Variants in PES1 observed in about 807,000 individuals in gnomAD.
PES1 encodes the protein pescadillo homolog.
A neutral mutation model predicts 77.1 loss-of-function variants in PES1; 31 were observed. The ratio of observed to expected loss-of-function variants is 0.40; its 90% CI spans 0.30 to 0.54. PES1 has a LOEUF of 0.54. PES1 is among the 20% of genes least tolerant of loss of function. PES1 has a pLI of 0.45. For synonymous variants in PES1, 282 were observed against 303.0 expected (o/e 0.93, Z 0.72); for missense variants, 658 against 771.7 (o/e 0.85, Z 1.75).
chr22:30,605,816 A>G (rs2087430122), intron 1 of PES1, among the ~76,000 whole-genome samples: 1 of 152,234 alleles, frequency 6.6e-6, no homozygotes, highest in Non-Finnish European at 1.5e-5. Context: ...ATTTATGTCA[A>G]GGGCTTGGTT....
At position 30,579,753 on chromosome 22, in the gene PES1, G is replaced by A. The variant is rs2086952969; in HGVS notation, c.1352C>T (p.Pro451Leu). The change falls in exon 12 of 15, where the codon CCA (proline) becomes CTA (leucine). Residue 451 changes from proline to leucine, a missense_variant and splice_region_variant. Pro to Leu is a moderately conservative substitution (Grantham distance 98). Coordinates refer to ENST00000354694, the MANE Select transcript of PES1 (RefSeq NM_014303.4). ...CAGCCCAGTCCCATCCCGCTCACCT[G>A]GGTCCTCTCCCCGCTGCAGAGCCAG... ...KLLALQRGED[P>L]GNLNESEEEE... The A allele has an allele frequency of 5.0e-6, 8 of 1,613,702 alleles. No homozygotes were observed. The East Asian group carries it at 1.8e-4, about 36-fold the overall frequency.
rs540955743 is a variant in PES1 at position 30,579,866 on chromosome 22, G to C, written c.1239C>G (p.Tyr413Ter). ...NARLLLPVAEYFSGVQLPPHL... is the reference protein window; with the variant it reads ...NARLLLPVAE ...GTGGGGGCAGCTGCACCCCAGAGAA[G>C]TACTCTGCCACGGGGAGAAGGAGCC... The change falls in exon 12 of 15, where the codon TAC becomes TAG. Residue 413 changes from tyrosine (Y) to a stop codon, truncating the protein, a stop_gained. Transcript: ENST00000354694. LOFTEE classifies it high-confidence loss of function. 6.2e-7 allele frequency: 1 copy of C among 1,614,120 alleles called. No individual in the cohort carries two copies. Among genetic ancestry groups the C allele is most frequent in the South Asian group, 1.1e-5 (1 of 91,090 alleles).
intron 2 of PES1, among the ~76,000 whole-genome samples, chr22:30,598,917 G>A (rs12152194): frequency 2.9e-4 from 1 of 3,444 alleles, no homozygotes; most frequent in African/African-American, 1.3e-3. Context: ...TTTTTTTTGA[G>A]ATGGAGTCCT....
intron 4 of PES1, among the ~76,000 whole-genome samples, chr22:30,586,560 C>T (rs2087094091): frequency 6.6e-6 from 1 of 152,212 alleles, no homozygotes; most frequent in Non-Finnish European, 1.5e-5. Context: ...CATCACTGGC[C>T]TCTCTCCACT....
At chr22:30,582,330 C>T (rs969269150) in intron 6 of PES1, among the ~76,000 whole-genome samples, 4 of 152,200 alleles carry the variant, frequency 2.6e-5, no homozygotes, top group African/African-American at 9.6e-5. Flanking sequence ...AGGCATGACC[C>T]GAGGGGCCAG....
At chr22:30,600,599 G>A (rs189249810) in intron 2 of PES1, among the ~76,000 whole-genome samples, 2 of 152,036 alleles carry the variant, frequency 1.3e-5, no homozygotes, top group South Asian at 2.1e-4. Context: ...GGTGGATCAC[G>A]AGGTCAGGAG....
upstream of PES1, among the ~76,000 whole-genome samples, chr22:30,592,963 GT>G (rs33961447): frequency 0.44 from 65,266 of 148,872 alleles, 14,241 homozygotes; most frequent in Middle Eastern, 0.49. Flanking sequence ...ATTTTAAGAG[GT>G]TTTTTTTTTT....
intron 6 of PES1, among the ~76,000 whole-genome samples, chr22:30,581,927 G>A (rs2086994150): frequency 6.6e-6 from 1 of 152,174 alleles, no homozygotes; most frequent in Non-Finnish European, 1.5e-5. Context: ...AAAAGAGTGA[G>A]AAAAGGGACC....
At chr22:30,587,698 T>C (rs561507016) in intron 3 of PES1, among the ~76,000 whole-genome samples, 1 of 152,308 alleles carries the variant, frequency 6.6e-6, no homozygotes, top group Admixed American at 6.5e-5. Flanking sequence ...GTTTTTCAAC[T>C]GAGAACAGAA....
intron 2 of PES1, among the ~76,000 whole-genome samples, chr22:30,597,068 C>T (rs2087265171): frequency 6.6e-6 from 1 of 152,204 alleles, no homozygotes; most frequent in Non-Finnish European, 1.5e-5. Context: ...GCGCTGCGCT[C>T]AATTTCTCCC....
chr22:30,601,788 T>C (rs572357362), intron 2 of PES1: 2 of 152,160 alleles, frequency 1.3e-5, no homozygotes, highest in Admixed American at 6.6e-5. Context: ...TTTTTTTTTT[T>C]TCCAGACACA....
intron 2 of PES1, among the ~76,000 whole-genome samples, chr22:30,597,919 T>A (rs1286880842): frequency 2.1e-5 from 3 of 142,942 alleles, no homozygotes; most frequent in Non-Finnish European, 4.5e-5. Context: ...AGTCTCACTC[T>A]GTCGCCCAGG....
intron 10 of PES1, 126 bp downstream of exon 10, chr22:30,580,445 T>C (rs1289391273): frequency 1.5e-6 from 2 of 1,346,396 alleles, no homozygotes; most frequent in East Asian, 4.6e-5. Context: ...CCGAGCACTT[T>C]CCACACACTG....
Position 30,598,884 on chromosome 22 carries a change from A to ATTTTTTTTTT in PES1, c.-660-6487_-660-6486insAAAAAAAAAA, listed in dbSNP as rs1569031688. The stretch of plus-strand genomic sequence containing the variant: ...TTTCAAGTTTATGTGACTTAAGTAA[A>ATTTTTTTTTT]ATTTTTTTTTTTTTTTTTTTTTTTT... On this transcript the variant is annotated intron_variant, in intron 2 of 16. Transcript: ENST00000402281. 8.6e-4 allele frequency among the ~76,000 whole-genome samples: 40 copies of ATTTTTTTTTT among 46,310 alleles called. 1 individual carries two copies. Among genetic ancestry groups the ATTTTTTTTTT allele is most frequent in the African/African-American group, 2.8e-3 (37 of 13,406 alleles). The allele number at this position is 46,310 out of a possible 152,430, so 30.4% of individuals were successfully genotyped here. A position where few individuals can be genotyped will look rare whatever the true frequency, so the allele number is the denominator to read the frequency against.
intron 1 of PES1, among the ~76,000 whole-genome samples, chr22:30,589,493 G>A (rs548248392): frequency 6.6e-6 from 1 of 152,320 alleles, no homozygotes; most frequent in Non-Finnish European, 1.5e-5. Flanking sequence ...GCATGATGCT[G>A]AGGGCTGCGA....
chr22:30,592,038 G>A (rs191024151), upstream of PES1: 82 of 1,364,890 alleles, frequency 6.0e-5, no homozygotes, highest in African/African-American at 1.0e-3. Context: ...AAAAATCACT[G>A]AGAACACTCT....
intron 2 of PES1, among the ~76,000 whole-genome samples, chr22:30,604,562 G>A (rs1162394374): frequency 2.6e-5 from 4 of 152,012 alleles, no homozygotes; most frequent in Non-Finnish European, 5.9e-5. Context: ...GAACCCGGGA[G>A]GAGGGTGTAG....
At chr22:30,579,661 C>A in intron 12 of PES1, 90 bp downstream of exon 12, 1 of 1,292,660 alleles carries the variant, frequency 7.7e-7, no homozygotes, top group South Asian at 1.3e-5. Context: ...CTCCTACTGC[C>A]TGTTCCCTGG....
rs771731631 is a variant in PES1 at position 30,584,339 on chromosome 22, C to T, written c.630+26G>A. The stretch of plus-strand genomic sequence containing the variant: ...ATCTGTCTAGGAGGCAGCACAAGCC[C>T]GTCCCCTCCCGACAGGCACACTCAC... On this transcript the variant is annotated intron_variant, in intron 6 of 14. Transcript: ENST00000354694. The T allele has an allele frequency of 7.2e-5, 111 of 1,543,056 alleles. No individual in the cohort carries two copies. The East Asian group carries it at 7.9e-4, about 11-fold the overall frequency.
Sources: gnomAD v4.1 joint callset for allele counts (sites outside exome capture counted in the v4.1 genomes callset) on GRCh38, gnomAD v4.1.1 for gene constraint, MANE v1.5 for transcripts, NCBI Gene and HGNC (gene_info 2026-07-23, HGNC 2026-07-21) for gene names.